TBC1D3B: variants seen among roughly 807,000 people sequenced by gnomAD.
TBC1D3B encodes Rab GTPase-activating protein PRC17 duplicate.
Under a neutral mutation model 27.1 loss-of-function variants are expected in TBC1D3B, and 2 were observed. The ratio of observed to expected loss-of-function variants is 0.07; its 90% CI spans 0.03 to 0.23. The LOEUF (loss-of-function observed/expected upper bound fraction) is 0.23, where lower values mean the gene tolerates loss of function less well. Among genes scored for constraint, TBC1D3B ranks in the 10% least tolerant of loss-of-function variants. The pLI, the probability that TBC1D3B is intolerant of heterozygous loss-of-function variation, is 1.00. For missense variants in TBC1D3B, 17 were observed against 401.3 expected, an observed-to-expected ratio of 0.04 and a Z score of 8.18; for synonymous variants, 3 against 150.1, an observed-to-expected ratio of 0.02 and a Z score of 7.16.
rs1238316183 is a variant in TBC1D3B, at chr17:36,175,122, C to T, written c.-1-71G>A. 9.6e-5 allele frequency: 46 copies of T among 476,760 alleles called. 17 individuals are homozygous for T. The African/African-American group carries it at 2.5e-3, about 26-fold the overall frequency. The allele number at this position is 476,760 out of a possible 1,614,324, so 29.5% of individuals were successfully genotyped here. ...CGGAGAACACCTGAACTGCTCTCGC[C>T]GGGCTCCCAGATGCTGGCTGGCTGC... is the stretch of plus-strand genomic sequence containing the variant. On this transcript the variant is annotated intron_variant, in intron 1 of 13. Coordinates refer to ENST00000611257, the MANE Select transcript of TBC1D3B (RefSeq NM_001001417.7).
At chr17:36,171,221 G>A (rs1177457458) in intron 7 of TBC1D3B, among the ~76,000 whole-genome samples, 1 of 150,416 alleles carries the variant, frequency 6.6e-6, no homozygotes, top group East Asian at 1.9e-4. Flanking sequence ...GGGAGGACCA[G>A]CCTTGCTCTC....
chr17:36,167,920 T>G, intron 12 of TBC1D3B, 147 bp downstream of exon 12: 13 of 1,157,916 alleles, frequency 1.1e-5, no homozygotes, highest in Non-Finnish European at 1.6e-5. Flanking sequence ...GGGCTCGGTG[T>G]CACAGTGTCC....
rs2068315837 is a variant in TBC1D3B at position 36,169,466 on chromosome 17, T to A, written c.668-292A>T. On this transcript the variant is annotated intron_variant, in intron 9 of 13. Transcript: ENST00000611257. ...ACTGGGTGGGCGCTGGGCTTCCCGG[T>A]CATCTCCTGGTAGTGGGGTCGGGCC... Among the ~76,000 whole-genome samples the A allele has an allele frequency of 9.3e-5, 14 of 149,868 alleles. No individual in the cohort carries two copies. The South Asian group carries it at 2.9e-3, about 32-fold the overall frequency.
At chr17:36,167,226 A>G (rs2068269546) in intron 13 of TBC1D3B, among the ~76,000 whole-genome samples, 1 of 67,464 alleles carries the variant, frequency 1.5e-5, no homozygotes, top group East Asian at 2.9e-4. Flanking sequence ...GGTCTCCCAC[A>G]AATGGGTCTG....
At chr17:36,169,350 T>G (rs2068312225) in intron 9 of TBC1D3B, among the ~76,000 whole-genome samples, 176 bp from the exon 10 acceptor site, 1 of 149,476 alleles carries the variant, frequency 6.7e-6, no homozygotes, top group African/African-American at 2.4e-5. Context: ...GAACATTCCC[T>G]GGAGCCTGGC....
chr17:36,169,510 G>A (rs1433102062), intron 9 of TBC1D3B, among the ~76,000 whole-genome samples: 4 of 149,950 alleles, frequency 2.7e-5, no homozygotes, highest in South Asian at 2.1e-4. Flanking sequence ...AGGGGATGGG[G>A]AGATGCTGCC....
In TBC1D3B at chr17:36,165,785, G is replaced by A. The variant is rs2068240788; in HGVS notation, c.*210C>T. On this transcript the variant is annotated 3_prime_UTR_variant, in exon 14 of 14. Coordinates refer to ENST00000611257, the MANE Select transcript of TBC1D3B (RefSeq NM_001001417.7). The stretch of plus-strand genomic sequence containing the variant: ...GGTGTCGTCAGAATTCAGAACGATG[G>A]TCGTGGGGCTTGGGGTGCTGGGAGG... 2.2e-6 allele frequency: 2 copies of A among 928,016 alleles called. No individual in the cohort carries two copies. Among genetic ancestry groups the A allele is most frequent in the Non-Finnish European group, 1.7e-6 (1 of 604,830 alleles). The allele number at this position is 928,016 out of a possible 1,614,324, so 57.5% of individuals were successfully genotyped here.
At chr17:36,171,238 C>T (rs1454937677) in intron 7 of TBC1D3B, among the ~76,000 whole-genome samples, 1 of 150,608 alleles carries the variant, frequency 6.6e-6, no homozygotes, top group Non-Finnish European at 1.5e-5. Flanking sequence ...TCTCCCCATT[C>T]CCGTGTTGAA....
chr17:36,171,265 T>C lies in TBC1D3B; in HGVS notation c.497+590A>G, dbSNP rs1293212811. On this transcript the variant is annotated intron_variant, in intron 7 of 13. Coordinates refer to ENST00000611257, the MANE Select transcript of TBC1D3B (RefSeq NM_001001417.7). Reference sequence around the variant, plus strand: ...CGTGTTGAAGGCCGTCCCCGAAGGCTCCGTGTGTGAGTGACGAGGAGTCAA... The same window carrying C: ...CGTGTTGAAGGCCGTCCCCGAAGGCCCCGTGTGTGAGTGACGAGGAGTCAA... 3.6e-4 allele frequency among the ~76,000 whole-genome samples: 54 copies of C among 150,906 alleles called. 1 individual carries two copies. The highest frequency in any genetic ancestry group is 1.5e-3 in the South Asian group (7 of 4,784).
At chr17:36,171,588 G>A (rs1381833247) in intron 7 of TBC1D3B, among the ~76,000 whole-genome samples, 1,142 of 148,540 alleles carry the variant, frequency 7.7e-3, no homozygotes, top group South Asian at 0.071. Flanking sequence ...GTCAGGGAGA[G>A]CACCCTTCAC....
chr17:36,175,554 A>T (rs1442430722), intron 1 of TBC1D3B, among the ~76,000 whole-genome samples: 17,950 of 92,472 alleles, frequency 0.19, 67 homozygotes, highest in Middle Eastern at 0.23. Flanking sequence ...GTGGCTCTTC[A>T]GTCTGAACAG....
rs1324155440 is a variant in TBC1D3B at position 36,168,422 on chromosome 17, T to C, written c.828+208A>G. Among the ~76,000 whole-genome samples the C allele has an allele frequency of 8.4e-5, 5 of 59,576 alleles. 1 individual carries two copies. The highest frequency in any genetic ancestry group is 7.8e-4 in the East Asian group (3 of 3,864). 39.1% of individuals were successfully genotyped at this position (59,576 alleles called of 152,430 possible). On this transcript the variant is annotated intron_variant, in intron 11 of 13. Coordinates refer to ENST00000611257, the MANE Select transcript of TBC1D3B (RefSeq NM_001001417.7). ...CCCTGAGCCCTCTCAAGTTGGGTCC[T>C]GGCCCAGTCTGCCCATGAGGCTGGG... is the stretch of plus-strand genomic sequence containing the variant.
intron 7 of TBC1D3B, among the ~76,000 whole-genome samples, chr17:36,171,343 G>C (rs1204750258): frequency 6.6e-6 from 1 of 151,164 alleles, no homozygotes; most frequent in Admixed American, 6.6e-5. Context: ...CAAATCAGTG[G>C]GTTCAATATC....
intron 7 of TBC1D3B, among the ~76,000 whole-genome samples, chr17:36,171,241 G>A (rs1395684941): frequency 4.3e-3 from 637 of 148,304 alleles, no homozygotes; most frequent in African/African-American, 0.014. Flanking sequence ...CCCCATTCCC[G>A]TGTTGAAGGC....
intron 7 of TBC1D3B, among the ~76,000 whole-genome samples, chr17:36,170,910 A>T (rs1345810348): frequency 1.2e-5 from 1 of 82,516 alleles, no homozygotes; most frequent in African/African-American, 2.9e-5. Flanking sequence ...GTTCCAAACC[A>T]ATGTGCAGAG....
At position 36,165,794 on chromosome 17, in the gene TBC1D3B, C is replaced by T; in HGVS notation, c.*201G>A. ...AGAATTCAGAACGATGGTCGTGGGG[C>T]TTGGGGTGCTGGGAGGGGCTGGGCA... On this transcript the variant is annotated 3_prime_UTR_variant, in exon 14 of 14. Coordinates refer to ENST00000611257, the MANE Select transcript of TBC1D3B (RefSeq NM_001001417.7). 1 of 942,760 alleles carries T rather than the reference C, an allele frequency of 1.1e-6. No individual in the cohort carries two copies. Among genetic ancestry groups the T allele is most frequent in the Non-Finnish European group, 1.6e-6 (1 of 618,502 alleles). 58.4% of individuals were successfully genotyped at this position (942,760 alleles called of 1,614,324 possible).
chr17:36,175,699 CAGG>C (rs1454898990), intron 1 of TBC1D3B, among the ~76,000 whole-genome samples: 2 of 107,730 alleles, frequency 1.9e-5, no homozygotes, highest in Non-Finnish European at 4.3e-5. Flanking sequence ...GCCGTCCCAA[CAGG>C]AGGAGGCTTC....
chr17:36,171,589 C>T (rs1234688869), intron 7 of TBC1D3B, among the ~76,000 whole-genome samples: 1 of 149,632 alleles, frequency 6.7e-6, no homozygotes, highest in East Asian at 1.9e-4. Flanking sequence ...TCAGGGAGAG[C>T]ACCCTTCACC....
chr17:36,167,015 A>G (rs1247009818), intron 13 of TBC1D3B, among the ~76,000 whole-genome samples: 6 of 96,476 alleles, frequency 6.2e-5, no homozygotes, highest in African/African-American at 1.6e-4. Context: ...GACCGTTCCC[A>G]CTTCTGGCTG....
Sources: allele counts gnomAD v4.1 joint callset (sites outside exome capture counted in the v4.1 genomes callset), GRCh38; gene constraint gnomAD v4.1.1; transcripts MANE v1.5; gene names NCBI Gene and HGNC (gene_info 2026-07-23, HGNC 2026-07-21).